The following PCDHGA8 variants were observed in gnomAD, a reference collection of about 807,000 sequenced individuals.
The protein encoded by PCDHGA8 is protocadherin gamma-A8.
Under a neutral mutation model 59.2 loss-of-function variants are expected in PCDHGA8, and 45 were observed. The ratio of observed to expected loss-of-function variants is 0.76; its 90% CI spans 0.60 to 0.98. PCDHGA8 has a LOEUF of 0.98. Ranked by LOEUF, PCDHGA8 falls within the 50% of genes least tolerant of loss-of-function variation. PCDHGA8 has a pLI of 0.00. For missense variants in PCDHGA8, 1,257 were observed against 1,196.2 expected, an observed-to-expected ratio of 1.05 and a Z score of -0.75; for synonymous variants, 531 against 519.0, an observed-to-expected ratio of 1.02 and a Z score of -0.32.
Position 141,490,109 on chromosome 5 carries a change from G to A in PCDHGA8, c.2425-4698G>A, listed in dbSNP as rs775286436. The A allele has an allele frequency of 3.4e-5, 55 of 1,614,114 alleles. No homozygotes were observed. Among genetic ancestry groups the A allele is most frequent in the African/African-American group, 8.0e-5 (6 of 74,940 alleles). ...GGAGACCACACATCTGAGGCAGTGC[G>A]GAACCTCTTTGGCCTAGACCCTAGC... On this transcript the variant is annotated intron_variant, in intron 1 of 3. Coordinates refer to ENST00000398604, the MANE Select transcript of PCDHGA8 (RefSeq NM_032088.2). This position sits in a 1 kb window ranked among gnomAD's most constrained non-coding sequence, Gnocchi z 5.4.
chr5:141,423,101 G>A (rs757127033), intron 1 of PCDHGA8: 3 of 1,613,966 alleles, frequency 1.9e-6, no homozygotes, highest in South Asian at 1.1e-5. Context: ...GAGCACACGG[G>A]CGAGGTGCGT....
At chr5:141,404,333 C>G (rs181615917) in intron 1 of PCDHGA8, 10 of 1,613,736 alleles carry the variant, frequency 6.2e-6, no homozygotes, top group Non-Finnish European at 8.5e-6. Flanking sequence ...CTCAGTCTAC[C>G]TCCCGGAAAA....
chr5:141,478,246 C>T (rs1305046488), intron 1 of PCDHGA8: 1 of 1,614,100 alleles, frequency 6.2e-7, no homozygotes, highest in Admixed American at 1.7e-5. Context: ...TCACAGTGTT[C>T]GGAGTAATCA....
At position 141,487,915 on chromosome 5, in the gene PCDHGA8, G is replaced by T; in HGVS notation, c.2425-6892G>T. The T allele has an allele frequency of 1.5e-6, 1 of 655,128 alleles. No homozygotes were observed. Among genetic ancestry groups the T allele is most frequent in the Middle Eastern group, 3.5e-4 (1 of 2,862 alleles). The allele number at this position is 655,128 out of a possible 1,614,324, so 40.6% of individuals were successfully genotyped here. ...GATGATGGAATGTGGGAGCACAGGA[G>T]GCTACAGTGCACAGGGTACAGTGCA... On this transcript the variant is annotated intron_variant, in intron 1 of 3. Coordinates refer to ENST00000398604, the MANE Select transcript of PCDHGA8 (RefSeq NM_032088.2). This position sits in a 1 kb window ranked among gnomAD's most constrained non-coding sequence, Gnocchi z 5.0.
At chr5:141,502,953 C>G (rs145774277) in intron 2 of PCDHGA8, among the ~76,000 whole-genome samples, 1,594 of 147,762 alleles carry the variant, frequency 0.011, 24 homozygotes, top group African/African-American at 0.037. Context: ...AAGCGATTCT[C>G]CTGCCTCAGC....
Position 141,392,992 on chromosome 5 carries a change from C to T in PCDHGA8, c.179C>T (p.Ala60Val), listed in dbSNP as rs1233401263. ...KDLGLDPRKL[A>V]KHGVRIVSRG... is the part of the protein sequence containing the mutation. ...CTGGGGCTGGACCCCCGGAAGCTGG[C>T]GAAGCACGGAGTCCGTATCGTCTCC... Residue 60 changes from alanine (A) to valine (V), a missense_variant, in exon 1 of 4, where the codon GCG becomes GTG. Physicochemically the swap from Ala to Val is moderately conservative, Grantham distance 64. Coordinates refer to ENST00000398604, the MANE Select transcript of PCDHGA8 (RefSeq NM_032088.2). 1.2e-6 allele frequency: 2 copies of T among 1,613,700 alleles called. No homozygotes were observed. The highest frequency in any genetic ancestry group is 8.5e-7 in the Non-Finnish European group (1 of 1,179,854).
chr5:141,408,770 A>G, intron 1 of PCDHGA8: 1 of 1,611,540 alleles, frequency 6.2e-7, no homozygotes. Flanking sequence ...CGATGGTGGC[A>G]AATACCCAGA....
At chr5:141,445,782 G>A (rs530081823) in intron 1 of PCDHGA8, among the ~76,000 whole-genome samples, 1 of 152,310 alleles carries the variant, frequency 6.6e-6, no homozygotes, top group East Asian at 1.9e-4. Flanking sequence ...AAGGGCTAGG[G>A]AGGCTAGAAA....
At chr5:141,430,327 T>C (rs1250968800) in intron 1 of PCDHGA8, among the ~76,000 whole-genome samples, 7 of 152,042 alleles carry the variant, frequency 4.6e-5, no homozygotes, top group Non-Finnish European at 1.5e-5. Context: ...AAAATCATTG[T>C]TTATAGAAAC....
chr5:141,395,093 C>CT lies in PCDHGA8; in HGVS notation c.2280_2281insT (p.Ala761CysfsTer26), dbSNP rs2093169149. On this transcript the variant is annotated frameshift_variant, in exon 1 of 4. Transcript: ENST00000398604. LOFTEE classifies it high-confidence loss of function. ...CCTATTCCCAGGAAGTCTCCCTCAC[C>CT]GCCGACTCGCGGAAGAGTCACCTGA... 4 of 1,614,040 alleles carry CT rather than the reference C, an allele frequency of 2.5e-6. No individual in the cohort carries two copies. Among genetic ancestry groups the CT allele is most frequent in the Non-Finnish European group, 3.4e-6 (4 of 1,180,050 alleles).
Position 141,432,880 on chromosome 5 carries a change from C to T in PCDHGA8, c.2424+37643C>T, listed in dbSNP as rs865848752. ...CGGTCTCCTGCGTCTTCCTGGCCTT[C>T]GTCATCTTGCTGCTGGCGCTCAGGC... On this transcript the variant is annotated intron_variant, in intron 1 of 3. Transcript: ENST00000398604. The surrounding 1 kb of genome is among the most constrained non-coding windows in gnomAD (Gnocchi z 6.0). 1 of 1,614,194 alleles carries T rather than the reference C, an allele frequency of 6.2e-7. No individual in the cohort carries two copies. Among genetic ancestry groups the T allele is most frequent in the Non-Finnish European group, 8.5e-7 (1 of 1,180,008 alleles).
intron 1 of PCDHGA8, chr5:141,484,969 G>A: frequency 3.4e-6 from 2 of 584,588 alleles, no homozygotes; most frequent in Admixed American, 3.2e-5. Flanking sequence ...CCCGGGAGCC[G>A]CTGTCTGCCA....
chr5:141,457,942 T>C (rs2098933338), intron 1 of PCDHGA8, among the ~76,000 whole-genome samples: 1 of 152,226 alleles, frequency 6.6e-6, no homozygotes, highest in Non-Finnish European at 1.5e-5. Flanking sequence ...TTATTGGCTC[T>C]GCATGTCAAG....
At chr5:141,406,346 G>C (rs1296474677) in intron 1 of PCDHGA8, among the ~76,000 whole-genome samples, 1 of 152,092 alleles carries the variant, frequency 6.6e-6, no homozygotes, top group Non-Finnish European at 1.5e-5. Flanking sequence ...ATTTATTCAG[G>C]TCATACTATG....
Position 141,431,485 on chromosome 5 carries a change from T to G in PCDHGA8, c.2424+36248T>G. 2 of 1,613,924 alleles carry G rather than the reference T, an allele frequency of 1.2e-6. No individual in the cohort carries two copies. Among genetic ancestry groups the G allele is most frequent in the Non-Finnish European group, 1.7e-6 (2 of 1,179,990 alleles). ...ATGCGAACGACAACGCACCAGCGTTTGCTCAGCCCGAGTACCGCGCGAGCG... is the reference window on the plus strand; with the variant it reads ...ATGCGAACGACAACGCACCAGCGTTGGCTCAGCCCGAGTACCGCGCGAGCG... On this transcript the variant is annotated intron_variant, in intron 1 of 3. Coordinates refer to ENST00000398604, the MANE Select transcript of PCDHGA8 (RefSeq NM_032088.2). This position sits in a 1 kb window ranked among gnomAD's most constrained non-coding sequence, Gnocchi z 4.8.
Position 141,421,718 on chromosome 5 carries a change from G to A in PCDHGA8, c.2424+26481G>A, listed in dbSNP as rs778263773. On this transcript the variant is annotated intron_variant, in intron 1 of 3. Transcript: ENST00000398604. ...CCTAATGCTAGGGATCCAGATGTGGGCGTGAACTCCCTCCAGAGCTACCAG... is the reference window on the plus strand; with the variant it reads ...CCTAATGCTAGGGATCCAGATGTGGACGTGAACTCCCTCCAGAGCTACCAG... 3.1e-6 allele frequency: 5 copies of A among 1,613,848 alleles called. No homozygotes were observed. The highest frequency in any genetic ancestry group is 2.7e-5 in the African/African-American group (2 of 74,938).
chr5:141,436,220 T>C (rs1179034537), intron 1 of PCDHGA8, among the ~76,000 whole-genome samples: 2 of 152,096 alleles, frequency 1.3e-5, no homozygotes, highest in Non-Finnish European at 2.9e-5. Flanking sequence ...ACAAATGACT[T>C]GGGAAACTAA....
intron 1 of PCDHGA8, among the ~76,000 whole-genome samples, chr5:141,430,366 A>G (rs551419486): frequency 3.3e-5 from 5 of 150,370 alleles, no homozygotes; most frequent in Admixed American, 6.7e-5. Context: ...CTCATTGGGG[A>G]AAAAAAAGCT....
chr5:141,413,630 C>T (rs746896115), intron 1 of PCDHGA8: 2 of 1,613,692 alleles, frequency 1.2e-6, no homozygotes, highest in Admixed American at 3.3e-5. Flanking sequence ...AATGTCGCTG[C>T]GGGAATGCGT....
Sources: allele counts gnomAD v4.1 joint callset (sites outside exome capture counted in the v4.1 genomes callset), GRCh38; gene constraint gnomAD v4.1.1; non-coding constraint Gnocchi (gnomAD v3.1); transcripts MANE v1.5; gene names NCBI Gene and HGNC (gene_info 2026-07-23, HGNC 2026-07-21).